Variants in CMIP observed in about 807,000 individuals in gnomAD.
CMIP encodes the protein C-Maf-inducing protein.
CMIP carries 13 observed loss-of-function variants against 97.3 expected under a neutral mutation model. The ratio of observed to expected loss-of-function variants is 0.13; its 90% CI spans 0.09 to 0.21. The LOEUF is 0.21. Ranked by LOEUF, CMIP falls within the 10% of genes least tolerant of loss-of-function variation. CMIP has a pLI of 1.00. For synonymous variants in CMIP, 538 were observed against 436.3 expected (o/e 1.23, Z -2.91); for missense variants, 847 against 1,024.9 (o/e 0.83, Z 2.37).
chr16:81,563,092 T>G (rs1041021435), intron 1 of CMIP, among the ~76,000 whole-genome samples: 1 of 152,234 alleles, frequency 6.6e-6, no homozygotes, highest in African/African-American at 2.4e-5. Context: ...CCATCTTGTT[T>G]TGCACAAAGC....
Position 81,640,914 on chromosome 16 carries a change from A to C in CMIP, c.478-11289A>C, listed in dbSNP as rs1214661517. Reference sequence around the variant, plus strand: ...GGTCATAGTCACAGATACCGGGCTTAGGACTTGGACATATGTTTTGGGCAG... The same window carrying C: ...GGTCATAGTCACAGATACCGGGCTTCGGACTTGGACATATGTTTTGGGCAG... On this transcript the variant is annotated intron_variant, in intron 3 of 20. Coordinates refer to ENST00000537098, the MANE Select transcript of CMIP (RefSeq NM_198390.3). Among the ~76,000 whole-genome samples, 2 of 152,162 alleles carry C rather than the reference A, an allele frequency of 1.3e-5. 1 individual carries two copies. The highest frequency in any genetic ancestry group is 3.9e-4 in the East Asian group (2 of 5,192).
chr16:81,660,529 C>T (rs1300822388), intron 5 of CMIP, among the ~76,000 whole-genome samples: 1 of 152,196 alleles, frequency 6.6e-6, no homozygotes, highest in East Asian at 1.9e-4. Flanking sequence ...CCTGCCTTGG[C>T]CTCCCAAAGT....
chr16:81,614,581 C>T lies in CMIP; in HGVS notation c.427-6295C>T, dbSNP rs2091882350. ...GCAGTGGAGGAAAGGTTGGGTTAGA[C>T]CTGGGTCCTTAAGCCGTGGTCCATG... On this transcript the variant is annotated intron_variant, in intron 2 of 20. Coordinates refer to ENST00000537098, the MANE Select transcript of CMIP (RefSeq NM_198390.3). The surrounding 1 kb of genome is among the most constrained non-coding windows in gnomAD (Gnocchi z 5.3). Among the ~76,000 whole-genome samples, 1 of 152,042 alleles carries T rather than the reference C, an allele frequency of 6.6e-6. No homozygotes were observed.
At chr16:81,559,051 G>C (rs2150869231) in intron 1 of CMIP, among the ~76,000 whole-genome samples, 1 of 152,318 alleles carries the variant, frequency 6.6e-6, no homozygotes, top group African/African-American at 2.4e-5. Flanking sequence ...AACCAGGCCT[G>C]GGCGCCCCTC....
At chr16:81,682,610 T>G (rs1904984514) in intron 10 of CMIP, among the ~76,000 whole-genome samples, 1 of 151,378 alleles carries the variant, frequency 6.6e-6, no homozygotes, top group South Asian at 2.1e-4. Context: ...TGAAGGGTCT[T>G]AAAGAGGACG....
chr16:81,445,350 G>A lies in CMIP; in HGVS notation c.109G>A (p.Ala37Thr), dbSNP rs540549801. ...GGCCCCCGAAGGCACGAAGATGGGC[G>A]CCGTGCCCTGCCGCCGGGCTCTTCT... is the stretch of plus-strand genomic sequence containing the variant. ...VSAPEGTKMGAVPCRRALLLC... is the reference protein window; with the variant it reads ...VSAPEGTKMGTVPCRRALLLC... Residue 37 changes from alanine to threonine, a missense_variant, in exon 1 of 21, where the codon GCC (alanine) becomes ACC (threonine). Coordinates refer to ENST00000537098, the MANE Select transcript of CMIP (RefSeq NM_198390.3). 1.3e-6 allele frequency: 2 copies of A among 1,599,856 alleles called. No homozygotes were observed. The highest frequency in any genetic ancestry group is 1.7e-6 in the Non-Finnish European group (2 of 1,173,914).
At chr16:81,476,004 A>G (rs1281559638) in intron 1 of CMIP, 1 of 578,324 alleles carries the variant, frequency 1.7e-6, no homozygotes, top group African/African-American at 1.9e-5. Context: ...AAAAAAAAAG[A>G]TAAAACATAA....
At chr16:81,683,321 A>G (rs1239045430) in intron 10 of CMIP, among the ~76,000 whole-genome samples, 2 of 152,180 alleles carry the variant, frequency 1.3e-5, no homozygotes, top group Non-Finnish European at 2.9e-5. Context: ...TTAGATTTTA[A>G]GAGGCCTTGG....
intron 1 of CMIP, among the ~76,000 whole-genome samples, chr16:81,495,165 A>G (rs2089466527): frequency 6.6e-6 from 1 of 152,214 alleles, no homozygotes. Flanking sequence ...ACTGTGGAGT[A>G]CCTGGCACTC....
At chr16:81,472,626 C>CA (rs1907628619) in intron 1 of CMIP, among the ~76,000 whole-genome samples, 1 of 152,198 alleles carries the variant, frequency 6.6e-6, no homozygotes, top group Non-Finnish European at 1.5e-5. Context: ...ATGTGTCAGC[C>CA]AATCACCAGA....
rs1470508801 is a variant in CMIP at position 81,693,484 on chromosome 16, A to G, written c.1527A>G (p.Gln509=). The G allele has an allele frequency of 6.2e-7, 1 of 1,612,458 alleles. No homozygotes were observed. The highest frequency in any genetic ancestry group is 1.1e-5 in the South Asian group (1 of 90,760). Residue 509 remains glutamine, a synonymous_variant, in exon 13 of 21, where the codon CAA becomes CAG. Transcript: ENST00000537098. ...AGAGGTTCGCCGAAGACCCCAGGCA[A>G]GAGGTGAGGCCTTTGTTTCTGCATC... ...VIQRFAEDPR[Q]EVHSCLLSVR... is the part of the protein sequence containing the mutation.
At chr16:81,586,562 G>C (rs1359600073) in intron 1 of CMIP, among the ~76,000 whole-genome samples, 1 of 152,150 alleles carries the variant, frequency 6.6e-6, no homozygotes, top group Non-Finnish European at 1.5e-5. Context: ...AAGCACTGTA[G>C]CCTGCCACGC....
chr16:81,684,154 T>G (rs1279110298), intron 10 of CMIP, among the ~76,000 whole-genome samples: 1 of 152,176 alleles, frequency 6.6e-6, no homozygotes, highest in Non-Finnish European at 1.5e-5. Flanking sequence ...AGATGTGCTG[T>G]GGGGCCTGGG....
intron 1 of CMIP, among the ~76,000 whole-genome samples, chr16:81,541,135 A>C (rs1431120433): frequency 6.6e-6 from 1 of 152,192 alleles, no homozygotes; most frequent in Non-Finnish European, 1.5e-5. Flanking sequence ...GTGCCTTAAC[A>C]GAAAAGTCTG....
intron 3 of CMIP, among the ~76,000 whole-genome samples, chr16:81,634,035 A>G (rs912387913): frequency 6.6e-6 from 1 of 152,234 alleles, no homozygotes; most frequent in Non-Finnish European, 1.5e-5. Context: ...AGTGGTTTTC[A>G]GAGTGAAGTC....
intron 1 of CMIP, among the ~76,000 whole-genome samples, chr16:81,484,937 C>T (rs908163252): frequency 4.6e-5 from 7 of 151,884 alleles, no homozygotes; most frequent in African/African-American, 1.7e-4. Flanking sequence ...CTTCCTCCTC[C>T]TACCCCTGAA....
chr16:81,463,527 A>G (rs1017472656), intron 1 of CMIP, among the ~76,000 whole-genome samples: 2 of 152,202 alleles, frequency 1.3e-5, no homozygotes, highest in Admixed American at 6.5e-5. Context: ...TGCTGTGCGC[A>G]TGGAGTCCTC....
chr16:81,548,023 T>C (rs1271302846), intron 1 of CMIP, among the ~76,000 whole-genome samples: 1 of 152,156 alleles, frequency 6.6e-6, no homozygotes, highest in Non-Finnish European at 1.5e-5. Context: ...AATTTCCAGA[T>C]CATTACAGCG....
At chr16:81,606,577 A>G (rs7192328) in intron 1 of CMIP, among the ~76,000 whole-genome samples, 95,876 of 151,914 alleles carry the variant, frequency 0.63, 30,662 homozygotes, top group East Asian at 0.8. Flanking sequence ...AACAATGACC[A>G]ATACTAATAG....
Sources: allele counts gnomAD v4.1 joint callset (sites outside exome capture counted in the v4.1 genomes callset), GRCh38; gene constraint gnomAD v4.1.1; non-coding constraint Gnocchi (gnomAD v3.1); transcripts MANE v1.5; gene names NCBI Gene and HGNC (gene_info 2026-07-23, HGNC 2026-07-21).